FSTL4: variants seen among roughly 807,000 people sequenced by gnomAD.
FSTL4 encodes follistatin like 4, also known as follistatin-related protein 4.
A neutral mutation model predicts 78.2 loss-of-function variants in FSTL4; 28 were observed. The observed-to-expected ratio is 0.36, with a 90% CI of 0.27 to 0.49. The LOEUF is 0.49. Ranked by LOEUF, FSTL4 falls within the 20% of genes least tolerant of loss-of-function variation. FSTL4 has a pLI of 0.98. For missense variants in FSTL4, 922 were observed against 1,084.9 expected, an observed-to-expected ratio of 0.85 and a Z score of 2.11; for synonymous variants, 422 against 440.5, an observed-to-expected ratio of 0.96 and a Z score of 0.53.
chr5:133,714,626 G>A, the FSTL4 span, among the ~76,000 whole-genome samples: 1 of 152,206 alleles, frequency 6.6e-6, no homozygotes. Flanking sequence ...AAGCTGTGAT[G>A]AGTGAGTAAA....
At chr5:133,376,047 G>A (rs974204312) in intron 4 of FSTL4, among the ~76,000 whole-genome samples, 3 of 152,234 alleles carry the variant, frequency 2.0e-5, no homozygotes, top group African/African-American at 7.2e-5. Flanking sequence ...AACAGGTTGT[G>A]TGTATACACA....
chr5:133,603,255 C>T (rs1387527811), intron 2 of FSTL4, among the ~76,000 whole-genome samples: 1 of 152,122 alleles, frequency 6.6e-6, no homozygotes, highest in Non-Finnish European at 1.5e-5. Context: ...CTACATAAGA[C>T]CAGGGTTCAC....
chr5:133,489,517 G>A (rs1758213784), intron 3 of FSTL4, among the ~76,000 whole-genome samples: 1 of 152,150 alleles, frequency 6.6e-6, no homozygotes, highest in Admixed American at 6.5e-5. Flanking sequence ...AGAAGGTTCT[G>A]CTAGCAGATA....
the FSTL4 span, among the ~76,000 whole-genome samples, chr5:133,673,609 T>C: frequency 6.6e-6 from 1 of 152,246 alleles, no homozygotes; most frequent in Non-Finnish European, 1.5e-5. Flanking sequence ...ACTCATCTGC[T>C]TCTACTTTGA....
At position 133,463,118 on chromosome 5, in the gene FSTL4, G is replaced by A. The variant is rs535668239; in HGVS notation, c.161-62132C>T. Among the ~76,000 whole-genome samples, 145 of 152,308 alleles carry A rather than the reference G, an allele frequency of 9.5e-4. 2 individuals are homozygous for A. The highest frequency in any genetic ancestry group is 8.7e-3 in the Admixed American group (133 of 15,302). ...GCAATCACGGCAGGCCCAAGGCCAC[G>A]CCAGCATCCTTAGTGACTGTGTGTC... On this transcript the variant is annotated intron_variant, in intron 3 of 15. Transcript: ENST00000265342.
intron 3 of FSTL4, among the ~76,000 whole-genome samples, chr5:133,475,371 G>A (rs753027502): frequency 3.9e-5 from 6 of 152,204 alleles, no homozygotes; most frequent in East Asian, 3.8e-4. Flanking sequence ...GCGTCCGACC[G>A]TGGGAACGGG....
the FSTL4 span, among the ~76,000 whole-genome samples, chr5:133,693,104 G>A: frequency 5.3e-5 from 8 of 152,340 alleles, no homozygotes; most frequent in East Asian, 1.9e-4. Flanking sequence ...TACTGAGGAA[G>A]TTCTCTCACT....
At chr5:133,333,021 CTG>C (rs1754383459) in intron 4 of FSTL4, among the ~76,000 whole-genome samples, 1 of 152,174 alleles carries the variant, frequency 6.6e-6, no homozygotes, top group South Asian at 2.1e-4. Flanking sequence ...CTCTCTCTGT[CTG>C]TCTCTCTCTC....
intron 2 of FSTL4, among the ~76,000 whole-genome samples, chr5:133,570,751 C>T (rs1760137570): frequency 6.6e-6 from 1 of 152,152 alleles, no homozygotes; most frequent in Non-Finnish European, 1.5e-5. Flanking sequence ...AGGCATCCAA[C>T]AGCAACAAAA....
At chr5:133,540,953 A>C (rs1371376131) in intron 3 of FSTL4, among the ~76,000 whole-genome samples, 1 of 152,042 alleles carries the variant, frequency 6.6e-6, no homozygotes, top group South Asian at 2.1e-4. Context: ...TTAAGTGCCC[A>C]CTGAGAGCCT....
chr5:133,295,069 C>T (rs564064976), intron 6 of FSTL4, among the ~76,000 whole-genome samples: 3 of 152,226 alleles, frequency 2.0e-5, no homozygotes, highest in South Asian at 2.1e-4. Context: ...AAGATCACTC[C>T]GCCTCCTCTG....
chr5:133,780,081 G>A, the FSTL4 span, among the ~76,000 whole-genome samples: 1 of 152,154 alleles, frequency 6.6e-6, no homozygotes, highest in East Asian at 1.9e-4. Flanking sequence ...GCTCGCAGGT[G>A]CACACCCATC....
At chr5:133,477,139 T>C (rs896561291) in intron 3 of FSTL4, among the ~76,000 whole-genome samples, 2 of 152,178 alleles carry the variant, frequency 1.3e-5, no homozygotes, top group African/African-American at 4.8e-5. Context: ...GGTTTAAAAT[T>C]TGGTTTAAAA....
chr5:133,240,305 A>G (rs1254037702), intron 7 of FSTL4, among the ~76,000 whole-genome samples: 1 of 152,174 alleles, frequency 6.6e-6, no homozygotes, highest in Non-Finnish European at 1.5e-5. Flanking sequence ...GACATAATAG[A>G]CGGACTTGCC....
intron 6 of FSTL4, among the ~76,000 whole-genome samples, chr5:133,294,134 C>G (rs1753331777): frequency 6.6e-6 from 1 of 152,194 alleles, no homozygotes; most frequent in South Asian, 2.1e-4. Flanking sequence ...ACCCTCCTCT[C>G]AGTTTCCATG....
At chr5:133,704,534 AG>A in the FSTL4 span, among the ~76,000 whole-genome samples, 7 of 152,332 alleles carry the variant, frequency 4.6e-5, no homozygotes. Flanking sequence ...TCCTCATCAA[AG>A]GGGCTCAAAG....
chr5:133,486,644 C>T (rs183757984), intron 3 of FSTL4, among the ~76,000 whole-genome samples: 1 of 152,126 alleles, frequency 6.6e-6, no homozygotes, highest in Admixed American at 6.5e-5. Context: ...CCCTGGTGAC[C>T]CTTTACAGTT....
intron 15 of FSTL4, 32 bp downstream of exon 15, chr5:133,201,901 A>T: frequency 8.0e-7 from 1 of 1,249,732 alleles, no homozygotes. Flanking sequence ...TGGAGCGGGG[A>T]GTGCCTTAGA....
intron 1 of FSTL4, among the ~76,000 whole-genome samples, chr5:133,609,003 G>A (rs1761031869): frequency 6.6e-6 from 1 of 152,120 alleles, no homozygotes; most frequent in Non-Finnish European, 1.5e-5. Context: ...CAGCCCTGTT[G>A]GGAAGAATGG....
Sources: gnomAD v4.1 joint callset for allele counts (sites outside exome capture counted in the v4.1 genomes callset) on GRCh38, gnomAD v4.1.1 for gene constraint, MANE v1.5 for transcripts, NCBI Gene and HGNC (gene_info 2026-07-23, HGNC 2026-07-21) for gene names.